Variants in NTM observed in about 807,000 individuals in gnomAD.
NTM encodes the protein IgLON family member 2.
A neutral mutation model predicts 42.1 loss-of-function variants in NTM; 13 were observed. That is an observed-to-expected ratio of 0.31 (90% CI 0.20 to 0.49). The LOEUF is 0.49. Among genes scored for constraint, NTM ranks in the 20% least tolerant of loss-of-function variants. The probability of loss-of-function intolerance (pLI) is 0.99; values close to 1 mark genes in which losing one functional copy is unlikely to be tolerated. For synonymous variants in NTM, 187 were observed against 179.2 expected, an observed-to-expected ratio of 1.04 and a Z score of -0.35; for missense variants, 373 against 452.8, an observed-to-expected ratio of 0.82 and a Z score of 1.60.
chr11:131,424,601 T>TTTTTG (rs1947899148), intron 1 of NTM, among the ~76,000 whole-genome samples: 1 of 82,326 alleles, frequency 1.2e-5, no homozygotes, highest in Non-Finnish European at 2.3e-5. Flanking sequence ...TTTTCTTTTC[T>TTTTTG]TTTTTTTTTT....
At chr11:131,695,894 C>T (rs1258109075) in intron 1 of NTM, among the ~76,000 whole-genome samples, 1 of 152,186 alleles carries the variant, frequency 6.6e-6, no homozygotes, top group Non-Finnish European at 1.5e-5. Flanking sequence ...TGTCCCTTCA[C>T]TCCTGCGCTC....
intron 2 of NTM, among the ~76,000 whole-genome samples, chr11:132,081,591 ACGT>A (rs2136285494): frequency 6.6e-6 from 1 of 151,970 alleles, no homozygotes; most frequent in South Asian, 2.1e-4. Flanking sequence ...AATTAGCCGG[ACGT>A]GGTGGCGGGC....
rs117984966 is a variant in NTM, at chr11:132,211,886, T to C, written c.401-136T>C. On this transcript the variant is annotated intron_variant, in intron 3 of 8. Transcript: ENST00000683400. ...TAAGACTTTTTTATGTTTAAGGTAA[T>C]TCCTCTAATTTCTTATCGTTAACTT... 4.2e-6 allele frequency: 3 copies of C among 722,862 alleles called. No homozygotes were observed. In the East Asian group the frequency reaches 1.0e-4, roughly 24 times the overall value. 44.8% of individuals were successfully genotyped at this position (722,862 alleles called of 1,614,324 possible). A position where few individuals can be genotyped will look rare whatever the true frequency, so the allele number is the denominator to read the frequency against.
At chr11:131,992,819 A>AT (rs2067270694) in intron 2 of NTM, among the ~76,000 whole-genome samples, 1 of 152,086 alleles carries the variant, frequency 6.6e-6, no homozygotes, top group Non-Finnish European at 1.5e-5. Flanking sequence ...TCATAAGAGC[A>AT]TTTTTCCTGT....
intron 4 of NTM, among the ~76,000 whole-genome samples, chr11:132,248,475 G>A (rs1473493852): frequency 6.6e-6 from 1 of 152,092 alleles, no homozygotes; most frequent in African/African-American, 2.4e-5. Context: ...GCACCAGGAG[G>A]CTGCCTGAGC....
At chr11:132,257,346 C>T (rs2092563384) in intron 4 of NTM, among the ~76,000 whole-genome samples, 1 of 152,170 alleles carries the variant, frequency 6.6e-6, no homozygotes, top group Admixed American at 6.5e-5. Context: ...TGAAGCACTT[C>T]TGGGTGTAGA....
intron 2 of NTM, among the ~76,000 whole-genome samples, chr11:132,027,653 G>A (rs1424853541): frequency 6.6e-6 from 1 of 152,056 alleles, no homozygotes; most frequent in Non-Finnish European, 1.5e-5. Flanking sequence ...CCTCTTCCCC[G>A]ACCCTCAGTT....
At chr11:132,184,782 A>G (rs935649754) in intron 3 of NTM, among the ~76,000 whole-genome samples, 4 of 152,216 alleles carry the variant, frequency 2.6e-5, no homozygotes, top group Admixed American at 1.3e-4. Flanking sequence ...TGGGAAAAAT[A>G]ATATTCATTT....
chr11:132,012,932 T>C (rs1015657887), intron 2 of NTM, among the ~76,000 whole-genome samples: 1 of 152,068 alleles, frequency 6.6e-6, no homozygotes, highest in Non-Finnish European at 1.5e-5. Flanking sequence ...TTAGGGAATG[T>C]AGAGGGATAG....
At chr11:132,053,935 G>T (rs907265919) in intron 2 of NTM, among the ~76,000 whole-genome samples, 3 of 152,302 alleles carry the variant, frequency 2.0e-5, no homozygotes, top group Admixed American at 2.0e-4. Flanking sequence ...TAAAAAAGTC[G>T]CTGGGTGCGG....
At chr11:131,848,653 C>T (rs75196891) in intron 1 of NTM, among the ~76,000 whole-genome samples, 9,650 of 152,240 alleles carry the variant, frequency 0.063, 466 homozygotes, top group Admixed American at 0.16. Flanking sequence ...TAATAACTAC[C>T]ATTTAGATAG....
intron 2 of NTM, among the ~76,000 whole-genome samples, chr11:132,132,105 T>G (rs1375034221): frequency 6.8e-6 from 1 of 146,750 alleles, no homozygotes; most frequent in Non-Finnish European, 1.5e-5. Flanking sequence ...GCAGTTCAAG[T>G]GCCCGAGGAT....
At chr11:131,486,940 T>G (rs1307781380) in intron 1 of NTM, among the ~76,000 whole-genome samples, 1 of 152,222 alleles carries the variant, frequency 6.6e-6, no homozygotes, top group East Asian at 1.9e-4. Flanking sequence ...AGTGGCCCTC[T>G]GATTACAAAG....
chr11:131,832,456 A>G (rs974506451), intron 1 of NTM, among the ~76,000 whole-genome samples: 1 of 152,220 alleles, frequency 6.6e-6, no homozygotes, highest in Admixed American at 6.5e-5. Context: ...TCATGATTCT[A>G]AAGACTCACT....
At chr11:131,680,725 T>TCTG (rs1565415159) in intron 1 of NTM, among the ~76,000 whole-genome samples, 3 of 9,370 alleles carry the variant, frequency 3.2e-4, no homozygotes, top group African/African-American at 9.4e-4. Context: ...GTGCATATGT[T>TCTG]TGCATAGGCA....
intron 4 of NTM, among the ~76,000 whole-genome samples, chr11:132,267,304 G>A (rs1037082911): frequency 6.6e-6 from 1 of 152,104 alleles, no homozygotes; most frequent in African/African-American, 2.4e-5. Flanking sequence ...CTAAAACATT[G>A]CAAACATCAT....
At chr11:131,617,929 G>C (rs746192539) in intron 1 of NTM, among the ~76,000 whole-genome samples, 1 of 152,134 alleles carries the variant, frequency 6.6e-6, no homozygotes, top group Non-Finnish European at 1.5e-5. Flanking sequence ...CCTTGAGATG[G>C]ACAGGGAGGG....
At chr11:131,623,525 C>T (rs370261101) in intron 1 of NTM, among the ~76,000 whole-genome samples, 7 of 152,236 alleles carry the variant, frequency 4.6e-5, no homozygotes, top group South Asian at 2.1e-4. Context: ...ATCCCATCTT[C>T]GGCTGCTTGC....
chr11:132,033,468 CTG>C (rs1472890333), intron 2 of NTM, among the ~76,000 whole-genome samples: 4 of 152,164 alleles, frequency 2.6e-5, no homozygotes, highest in Non-Finnish European at 4.4e-5. Context: ...GATATTGATC[CTG>C]TGGCCACTGT....
Sources: gnomAD v4.1 joint callset for allele counts (sites outside exome capture counted in the v4.1 genomes callset) on GRCh38, gnomAD v4.1.1 for gene constraint, MANE v1.5 for transcripts, NCBI Gene and HGNC (gene_info 2026-07-23, HGNC 2026-07-21) for gene names.